Variants in TMPRSS4 observed in about 807,000 individuals in gnomAD.
TMPRSS4 encodes transmembrane serine protease 4.
Under a neutral mutation model 56.4 loss-of-function variants are expected in TMPRSS4, and 45 were observed. The observed-to-expected ratio is 0.80, with a 90% confidence interval of 0.63 to 1.02. TMPRSS4 has a LOEUF of 1.02. Among genes scored for constraint, TMPRSS4 ranks in the 50% least tolerant of loss-of-function variants. The probability of loss-of-function intolerance (pLI) is 0.00; values close to 1 mark genes in which losing one functional copy is unlikely to be tolerated. For missense variants in TMPRSS4, 546 were observed against 556.7 expected (o/e 0.98, Z 0.19); for synonymous variants, 205 against 211.0 (o/e 0.97, Z 0.25).
intron 1 of TMPRSS4, among the ~76,000 whole-genome samples, chr11:118,093,659 A>C (rs1946110966): frequency 6.6e-6 from 1 of 152,226 alleles, no homozygotes; most frequent in African/African-American, 2.4e-5. Flanking sequence ...AAATATCATA[A>C]TGTTGATAGC....
At chr11:118,092,627 C>T (rs970637653) in intron 1 of TMPRSS4, among the ~76,000 whole-genome samples, 1 of 152,216 alleles carries the variant, frequency 6.6e-6, no homozygotes, top group African/African-American at 2.4e-5. Flanking sequence ...ACCATAATTT[C>T]TAATCTTGGG....
rs1947715844 is a variant in TMPRSS4 at position 118,119,515 on chromosome 11, G to A, written c.*1602G>A. 3 of 215,404 alleles carry A rather than the reference G, an allele frequency of 1.4e-5. No homozygotes were observed. The highest frequency in any genetic ancestry group is 3.3e-4 in the South Asian group (2 of 5,996). The allele number at this position is 215,404 out of a possible 1,614,324, so 13.3% of individuals were successfully genotyped here. On this transcript the variant is annotated 3_prime_UTR_variant, in exon 13 of 13. Transcript: ENST00000437212. ...ATTTAGAACCCCAAAGGCTTCAGAT[G>A]TCAGAATATTAGAGACTTATGATAA...
chr11:118,109,733 C>T (rs886417136), intron 7 of TMPRSS4, among the ~76,000 whole-genome samples: 2 of 152,166 alleles, frequency 1.3e-5, no homozygotes, highest in African/African-American at 2.4e-5. Context: ...GAAATTAGAA[C>T]GCCTAAGGGA....
intron 1 of TMPRSS4, among the ~76,000 whole-genome samples, chr11:118,080,118 G>A (rs996655328): frequency 6.6e-6 from 1 of 152,204 alleles, no homozygotes. Context: ...GTTTCACCCT[G>A]CAGGTGCTCA....
In TMPRSS4 at chr11:118,119,490, AT is replaced by A; in HGVS notation, c.*1580del. On this transcript the variant is annotated 3_prime_UTR_variant, in exon 13 of 13. Transcript: ENST00000437212. ...AAGTGGGCAGCATAAAAAACAGCTAATTTAGAACCCCAAAGGCTTCAGATGT... is the reference window on the plus strand; with the variant it reads ...AAGTGGGCAGCATAAAAAACAGCTAATTAGAACCCCAAAGGCTTCAGATGT... 1 of 356,828 alleles carries A rather than the reference AT, an allele frequency of 2.8e-6. No homozygotes were observed. The highest frequency in any genetic ancestry group is 1.7e-4 in the East Asian group (1 of 5,972). The allele number at this position is 356,828 out of a possible 1,614,324, so 22.1% of individuals were successfully genotyped here.
chr11:118,106,280 A>G (rs1756512620), intron 5 of TMPRSS4: 2 of 152,200 alleles, frequency 1.3e-5, no homozygotes, highest in African/African-American at 4.8e-5. Context: ...GCTTCACAAA[A>G]TCAAAGTTCA....
chr11:118,111,870 A>G lies in TMPRSS4; in HGVS notation c.713A>G (p.His238Arg). ...TGTGGAGGGAGCATCCTGGACCCCC[A>G]CTGGGTCCTCACGGCAGCCCACTGC... is the stretch of plus-strand genomic sequence containing the variant. ...HVCGGSILDPHWVLTAAHCFR... is the reference protein window; with the variant it reads ...HVCGGSILDPRWVLTAAHCFR... Residue 238 changes from histidine (H) to arginine (R), a missense_variant, in exon 8 of 13, where the codon CAC (histidine) becomes CGC (arginine). Physicochemically the swap from His to Arg is conservative, Grantham distance 29. Coordinates refer to ENST00000437212, the MANE Select transcript of TMPRSS4 (RefSeq NM_019894.4). 6.2e-7 allele frequency: 1 copy of G among 1,609,586 alleles called. No homozygotes were observed.
At chr11:118,115,684 G>C in intron 11 of TMPRSS4, 1 of 168,860 alleles carries the variant, frequency 5.9e-6, no homozygotes, top group South Asian at 1.5e-4. Context: ...TTAGCTGGGC[G>C]TGGTGGCACG....
intron 6 of TMPRSS4, chr11:118,108,526 A>C: frequency 3.2e-6 from 1 of 317,224 alleles, no homozygotes; most frequent in Admixed American, 4.7e-5. Context: ...CCATTCTTCC[A>C]TTTGGAAAGC....
At chr11:118,125,322 T>G (rs775109515), downstream of TMPRSS4, 10 of 456,528 alleles carry the variant, frequency 2.2e-5, no homozygotes, top group Middle Eastern at 6.5e-4. Flanking sequence ...AAGCTGTAAC[T>G]CCCCAGGGAC....
chr11:118,090,324 T>C (rs1434605353), intron 1 of TMPRSS4, among the ~76,000 whole-genome samples: 1 of 152,196 alleles, frequency 6.6e-6, no homozygotes, highest in East Asian at 1.9e-4. Flanking sequence ...GTACTGTGCA[T>C]TGTAGGAGAC....
chr11:118,095,157 T>G (rs2276127), intron 2 of TMPRSS4: 4,919 of 388,052 alleles, frequency 0.013, 193 homozygotes, highest in East Asian at 0.12. Context: ...ACCTGCCATG[T>G]GCCAGGCCCT....
intron 1 of TMPRSS4, among the ~76,000 whole-genome samples, chr11:118,079,735 G>A (rs1314805620): frequency 6.6e-6 from 1 of 152,180 alleles, no homozygotes; most frequent in East Asian, 1.9e-4. Context: ...GGCTTGGCTG[G>A]GCTTGGCTGG....
At chr11:118,111,965 G>T (rs1947298176) in intron 8 of TMPRSS4, 65 bp downstream of exon 8, 1 of 1,563,754 alleles carries the variant, frequency 6.4e-7, no homozygotes, top group Admixed American at 2.1e-5. Context: ...AGAGCTTGGG[G>T]TCCTGTCTCC....
intron 6 of TMPRSS4, 72 bp from the exon 7 acceptor site, chr11:118,108,784 C>T: frequency 3.9e-6 from 6 of 1,521,252 alleles, no homozygotes; most frequent in Middle Eastern, 3.4e-4. Flanking sequence ...TTAACAGCTT[C>T]GGGAGGCCTG....
Position 118,094,872 on chromosome 11 carries a change from C to T in TMPRSS4, c.43+17C>T. On this transcript the variant is annotated intron_variant, in intron 2 of 12. Transcript: ENST00000437212. ...ACAGCCTCGGTAAGTTCAGGTCCGG[C>T]TTTCATTCGTCCACCTTAGCCTCTG... 6.2e-7 allele frequency: 1 copy of T among 1,611,330 alleles called. No individual in the cohort carries two copies. The highest frequency in any genetic ancestry group is 1.3e-5 in the African/African-American group (1 of 75,016).
chr11:118,103,384 G>GTTTGT lies in TMPRSS4; in HGVS notation c.310+134_310+138dup, dbSNP rs937097763. On this transcript the variant is annotated intron_variant, in intron 4 of 12. Transcript: ENST00000437212. ...CCTTGTTGTATAAGGTTCTTTGTTTGTTTGTTTGTTGTTGTTTTGAGGCAG... is the reference window on the plus strand; with the variant it reads ...CCTTGTTGTATAAGGTTCTTTGTTTGTTTGTTTTGTTTGTTGTTGTTTTGAGGCAG... 7 of 1,126,502 alleles carry GTTTGT rather than the reference G, an allele frequency of 6.2e-6. No homozygotes were observed. The African/African-American group carries it at 9.3e-5, about 15-fold the overall frequency. 69.8% of individuals were successfully genotyped at this position (1,126,502 alleles called of 1,614,324 possible). A position where few individuals can be genotyped will look rare whatever the true frequency, so the allele number is the denominator to read the frequency against.
chr11:118,103,320 C>T, intron 4 of TMPRSS4, 67 bp downstream of exon 4: 1 of 1,562,976 alleles, frequency 6.4e-7, no homozygotes, highest in South Asian at 1.2e-5. Context: ...CCCCCACGGC[C>T]CACTGCATAG....
Position 118,118,214 on chromosome 11 carries a change from C to T in TMPRSS4, c.*301C>T. The T allele has an allele frequency of 1.4e-5, 18 of 1,329,242 alleles. No individual in the cohort carries two copies. The highest frequency in any genetic ancestry group is 1.7e-5 in the Non-Finnish European group (18 of 1,040,232). The allele number at this position is 1,329,242 out of a possible 1,614,324, so 82.3% of individuals were successfully genotyped here. The stretch of plus-strand genomic sequence containing the variant: ...TTGCTAAGCCAAGAAGGAACTTTCC[C>T]ACACTACTGAATGGAAGCAGGCTGT... On this transcript the variant is annotated 3_prime_UTR_variant, in exon 13 of 13. Coordinates refer to ENST00000437212, the MANE Select transcript of TMPRSS4 (RefSeq NM_019894.4).
Sources: allele counts gnomAD v4.1 joint callset (sites outside exome capture counted in the v4.1 genomes callset), GRCh38; gene constraint gnomAD v4.1.1; transcripts MANE v1.5; gene names NCBI Gene and HGNC (gene_info 2026-07-23, HGNC 2026-07-21).